The following COLEC10 variants were observed in gnomAD, a reference collection of about 807,000 sequenced individuals.
COLEC10 encodes the protein collectin subfamily member 10.
A neutral mutation model predicts 28.4 loss-of-function variants in COLEC10; 22 were observed. The observed-to-expected ratio is 0.78, with a 90% CI of 0.55 to 1.11. The LOEUF (loss-of-function observed/expected upper bound fraction) is 1.11. COLEC10 is among the 50% of genes least tolerant of loss of function. The pLI is 0.00. For missense variants in COLEC10, 361 were observed against 344.1 expected, an observed-to-expected ratio of 1.05 and a Z score of -0.39; for synonymous variants, 125 against 116.1, an observed-to-expected ratio of 1.08 and a Z score of -0.49.
At chr8:119,001,198 A>G (rs1563712846) in intron 1 of COLEC10, among the ~76,000 whole-genome samples, 1 of 152,174 alleles carries the variant, frequency 6.6e-6, no homozygotes, top group Admixed American at 6.5e-5. Flanking sequence ...TAGTGGAAAA[A>G]TTTGAGAAAG....
chr8:118,982,901 T>C, the COLEC10 span: 1 of 152,220 alleles, frequency 6.6e-6, no homozygotes, highest in South Asian at 2.1e-4. Context: ...GAGGTGGAGC[T>C]GGCTCTTGGA....
chr8:119,019,584 T>A (rs1218894828), intron 2 of COLEC10, among the ~76,000 whole-genome samples: 3 of 152,118 alleles, frequency 2.0e-5, no homozygotes, highest in Non-Finnish European at 4.4e-5. Flanking sequence ...AACCTCAAAG[T>A]CTTTTCCTGT....
At chr8:118,961,138 A>G in the COLEC10 span, among the ~76,000 whole-genome samples, 1 of 152,202 alleles carries the variant, frequency 6.6e-6, no homozygotes, top group African/African-American at 2.4e-5. Context: ...TAAAATGTAG[A>G]TGGACTAAAA....
chr8:119,017,655 C>T (rs1020145192), intron 2 of COLEC10, among the ~76,000 whole-genome samples: 1 of 152,100 alleles, frequency 6.6e-6, no homozygotes, highest in Non-Finnish European at 1.5e-5. Context: ...GTTACCCCTT[C>T]GGAGCTCCTA....
the COLEC10 span, among the ~76,000 whole-genome samples, chr8:118,956,207 C>G: frequency 3.3e-5 from 5 of 152,118 alleles, no homozygotes; most frequent in Non-Finnish European, 7.4e-5. Flanking sequence ...GACCTAATCA[C>G]CATCCAAAGG....
At chr8:118,992,555 C>T (rs541643131), upstream of COLEC10, among the ~76,000 whole-genome samples, 2 of 152,236 alleles carry the variant, frequency 1.3e-5, no homozygotes, top group South Asian at 4.1e-4. Context: ...AGATAAAGAA[C>T]TCGACCTTAA....
At chr8:119,072,635 T>A (rs1483624487) in intron 1 of COLEC10, among the ~76,000 whole-genome samples, 1 of 152,126 alleles carries the variant, frequency 6.6e-6, no homozygotes, top group Non-Finnish European at 1.5e-5. Flanking sequence ...CCCTACACAG[T>A]GTTGATGGCA....
chr8:119,041,434 TA>T (rs1563725420), intron 2 of COLEC10, among the ~76,000 whole-genome samples: 1 of 152,220 alleles, frequency 6.6e-6, no homozygotes, highest in Non-Finnish European at 1.5e-5. Flanking sequence ...GAAGTAGATA[TA>T]GACAAAAAGT....
chr8:118,963,291 C>T, the COLEC10 span, among the ~76,000 whole-genome samples: 1 of 152,238 alleles, frequency 6.6e-6, no homozygotes, highest in African/African-American at 2.4e-5. Flanking sequence ...TGCTCAAGTT[C>T]ACTCAACAAA....
intron 2 of COLEC10, among the ~76,000 whole-genome samples, chr8:119,026,404 A>T (rs1031072225): frequency 2.6e-5 from 4 of 152,132 alleles, no homozygotes. Context: ...AAAATAAAAT[A>T]AAAATAAAAA....
At chr8:119,008,664 G>A (rs1000591638) in intron 1 of COLEC10, among the ~76,000 whole-genome samples, 2 of 150,360 alleles carry the variant, frequency 1.3e-5, no homozygotes. Flanking sequence ...TAAAGCAATC[G>A]TGTGTGATGA....
upstream of COLEC10, among the ~76,000 whole-genome samples, chr8:119,065,891 A>G (rs1304950987): frequency 1.3e-5 from 2 of 151,856 alleles, no homozygotes; most frequent in Non-Finnish European, 2.9e-5. Flanking sequence ...AAAAAGAAAA[A>G]GTAATGTGCC....
intron 1 of COLEC10, among the ~76,000 whole-genome samples, chr8:119,002,384 G>A (rs1905784): frequency 0.58 from 88,690 of 151,822 alleles, 26,584 homozygotes; most frequent in African/African-American, 0.72. Context: ...ATAAAAACAC[G>A]TTTGGATTAT....
intron 1 of COLEC10, 87 bp from the exon 2 acceptor site, chr8:119,089,593 T>G (rs1815547619): frequency 1.9e-6 from 2 of 1,057,582 alleles, no homozygotes; most frequent in Non-Finnish European, 2.9e-6. Context: ...GAGGGAAAGA[T>G]TGTAACCATG....
At chr8:118,969,658 T>C in the COLEC10 span, among the ~76,000 whole-genome samples, 1 of 151,878 alleles carries the variant, frequency 6.6e-6, no homozygotes. Context: ...TTCCATTCCT[T>C]CCAGATGCTG....
the COLEC10 span, among the ~76,000 whole-genome samples, chr8:118,969,233 C>A: frequency 2.6e-5 from 4 of 151,956 alleles, no homozygotes; most frequent in Admixed American, 2.6e-4. Context: ...CCAGAAGGAA[C>A]CAGCACTGAC....
At chr8:119,000,330 G>A (rs1813670409) in intron 1 of COLEC10, among the ~76,000 whole-genome samples, 1 of 152,140 alleles carries the variant, frequency 6.6e-6, no homozygotes, top group Admixed American at 6.6e-5. Context: ...CTAGAGAAGT[G>A]TGATAGGATT....
chr8:118,998,167 GA>G (rs11308409), intron 1 of COLEC10, among the ~76,000 whole-genome samples: 103,751 of 151,918 alleles, frequency 0.68, 37,215 homozygotes, highest in African/African-American at 0.92. Context: ...AATGAAATGA[GA>G]AAAAAATATA....
At chr8:118,969,745 C>A in the COLEC10 span, among the ~76,000 whole-genome samples, 3 of 150,226 alleles carry the variant, frequency 2.0e-5, no homozygotes, top group South Asian at 6.2e-4. Flanking sequence ...TTCATTTATG[C>A]AAGTTGGATA....
Sources: allele counts gnomAD v4.1 joint callset (sites outside exome capture counted in the v4.1 genomes callset), GRCh38; gene constraint gnomAD v4.1.1; transcripts MANE v1.5; gene names NCBI Gene and HGNC (gene_info 2026-07-23, HGNC 2026-07-21).